Variants in PHACTR1 observed in about 807,000 individuals in gnomAD.
PHACTR1 encodes RPEL repeat containing 1.
A neutral mutation model predicts 69.2 loss-of-function variants in PHACTR1; 16 were observed. The observed-to-expected ratio is 0.23, with a 90% CI of 0.16 to 0.35. PHACTR1 has a LOEUF of 0.35. Ranked by LOEUF, PHACTR1 falls within the 10% of genes least tolerant of loss-of-function variation. The pLI is 1.00. For missense variants in PHACTR1, 510 were observed against 734.7 expected, an observed-to-expected ratio of 0.69 and a Z score of 3.54; for synonymous variants, 312 against 284.5, an observed-to-expected ratio of 1.10 and a Z score of -0.97.
intron 4 of PHACTR1, among the ~76,000 whole-genome samples, chr6:12,790,424 C>T (rs748502248): frequency 2.6e-5 from 4 of 152,174 alleles, no homozygotes; most frequent in Non-Finnish European, 5.9e-5. Context: ...TAACTCACTC[C>T]TTTTCCTCCC....
At chr6:13,261,977 A>G (rs1158724357) in intron 10 of PHACTR1, among the ~76,000 whole-genome samples, 1 of 152,242 alleles carries the variant, frequency 6.6e-6, no homozygotes, top group African/African-American at 2.4e-5. Flanking sequence ...AGAATCTTTC[A>G]GAACACTGAG....
intron 4 of PHACTR1, among the ~76,000 whole-genome samples, chr6:12,804,904 A>G (rs1262648297): frequency 6.6e-6 from 1 of 152,256 alleles, no homozygotes; most frequent in Non-Finnish European, 1.5e-5. Flanking sequence ...AAAAATGGAC[A>G]AGAATTAATC....
chr6:13,014,038 CCAA>C (rs970673646), intron 4 of PHACTR1, among the ~76,000 whole-genome samples: 5 of 151,922 alleles, frequency 3.3e-5, no homozygotes, highest in African/African-American at 4.8e-5. Context: ...GAGCCCGCCC[CCAA>C]CAACAACAAC....
intron 5 of PHACTR1, among the ~76,000 whole-genome samples, chr6:13,130,781 G>A (rs1820286513): frequency 6.6e-6 from 1 of 152,146 alleles, no homozygotes; most frequent in Admixed American, 6.5e-5. Flanking sequence ...GATAGAGAAA[G>A]AGGGAATCCT....
chr6:12,797,429 A>G (rs1773168299), intron 4 of PHACTR1, among the ~76,000 whole-genome samples: 1 of 152,090 alleles, frequency 6.6e-6, no homozygotes, highest in African/African-American at 2.4e-5. Context: ...CAGTGGCTCT[A>G]CCTATGGGAC....
chr6:12,729,153 G>A (rs953481102), intron 3 of PHACTR1, among the ~76,000 whole-genome samples: 3 of 152,148 alleles, frequency 2.0e-5, no homozygotes, highest in South Asian at 2.1e-4. Context: ...ATTTCTTTCC[G>A]ATTCAAATTT....
At chr6:13,249,381 T>C (rs560352436) in intron 10 of PHACTR1, among the ~76,000 whole-genome samples, 3 of 152,092 alleles carry the variant, frequency 2.0e-5, no homozygotes, top group African/African-American at 7.2e-5. Context: ...CCCCCATCCA[T>C]AGAAAAATTG....
chr6:13,078,229 T>C lies in PHACTR1; in HGVS notation c.415+24700T>C, dbSNP rs183798677. On this transcript the variant is annotated intron_variant, in intron 5 of 14. Coordinates refer to ENST00000332995, the MANE Select transcript of PHACTR1 (RefSeq NM_030948.6). ...TCTCCCCTAGCTTCTGGTGGTTTGC[T>C]CACCATCTTGGTCATTCCTTGGCTT... Among the ~76,000 whole-genome samples the C allele has an allele frequency of 2.5e-3, 375 of 152,266 alleles. 2 individuals carry two copies. The highest frequency in any genetic ancestry group is 8.2e-3 in the African/African-American group (341 of 41,556).
chr6:13,110,564 T>C (rs1286545167), intron 5 of PHACTR1, among the ~76,000 whole-genome samples: 8 of 152,222 alleles, frequency 5.3e-5, no homozygotes, highest in Admixed American at 5.2e-4. Flanking sequence ...TCCTCTCTAG[T>C]ACTCTGTTTC....
intron 3 of PHACTR1, among the ~76,000 whole-genome samples, chr6:12,723,183 G>C (rs918219850): frequency 6.6e-6 from 1 of 152,098 alleles, no homozygotes; most frequent in African/African-American, 2.4e-5. Flanking sequence ...GCCAGCCCCA[G>C]GCTCCAGTGC....
At chr6:13,226,226 C>T (rs1458144614) in intron 8 of PHACTR1, among the ~76,000 whole-genome samples, 2 of 152,032 alleles carry the variant, frequency 1.3e-5, no homozygotes, top group African/African-American at 4.8e-5. Flanking sequence ...ATTTGTGTCA[C>T]TGAAGAGTTC....
chr6:12,961,024 C>T (rs887373951), intron 4 of PHACTR1, among the ~76,000 whole-genome samples: 5 of 152,132 alleles, frequency 3.3e-5, no homozygotes, highest in African/African-American at 4.8e-5. Flanking sequence ...GTTTGGCATT[C>T]CATGAGTATT....
chr6:13,147,744 C>CTATTGCAA (rs1823630260), intron 5 of PHACTR1, among the ~76,000 whole-genome samples: 1 of 152,254 alleles, frequency 6.6e-6, no homozygotes, highest in African/African-American at 2.4e-5. Context: ...CCCTCAGAAA[C>CTATTGCAA]TATTGCAATA....
chr6:12,874,318 G>C (rs1428860192), intron 4 of PHACTR1, among the ~76,000 whole-genome samples: 1 of 152,112 alleles, frequency 6.6e-6, no homozygotes, highest in African/African-American at 2.4e-5. Context: ...CCAGTAAGGG[G>C]CATCTGAGAG....
chr6:12,864,021 T>C (rs1035061398), intron 4 of PHACTR1, among the ~76,000 whole-genome samples: 2 of 152,218 alleles, frequency 1.3e-5, no homozygotes, highest in African/African-American at 2.4e-5. Context: ...TCTGGTACCA[T>C]GTGAAATAGT....
intron 4 of PHACTR1, among the ~76,000 whole-genome samples, chr6:13,030,060 T>C (rs1395029702): frequency 1.3e-5 from 2 of 152,262 alleles, no homozygotes; most frequent in Admixed American, 6.5e-5. Context: ...TGTGAAGTGC[T>C]TGGCACTGAC....
intron 10 of PHACTR1, chr6:13,272,540 A>G: frequency 1.9e-6 from 1 of 519,180 alleles, no homozygotes; most frequent in Non-Finnish European, 3.2e-6. Context: ...CAAGGAAAGA[A>G]AAGGACTTCT....
chr6:12,795,650 G>A (rs1772888973), intron 4 of PHACTR1, among the ~76,000 whole-genome samples: 1 of 152,090 alleles, frequency 6.6e-6, no homozygotes, highest in Non-Finnish European at 1.5e-5. Context: ...AATAGAATCA[G>A]TGAATTTTTC....
intron 4 of PHACTR1, among the ~76,000 whole-genome samples, chr6:13,019,580 T>C (rs773145380): frequency 9.9e-5 from 15 of 152,236 alleles, no homozygotes; most frequent in Non-Finnish European, 1.9e-4. Flanking sequence ...TGAGCTCATA[T>C]ATAATTTTAC....
Sources: gnomAD v4.1 joint callset for allele counts (sites outside exome capture counted in the v4.1 genomes callset) on GRCh38, gnomAD v4.1.1 for gene constraint, MANE v1.5 for transcripts, NCBI Gene and HGNC (gene_info 2026-07-23, HGNC 2026-07-21) for gene names.